Variants in KLHL29 observed in about 807,000 individuals in gnomAD.
The protein encoded by KLHL29 is kelch like family member 29.
KLHL29 carries 21 observed loss-of-function variants against 80.4 expected under a neutral mutation model. The ratio of observed to expected loss-of-function variants is 0.26; its 90% CI spans 0.19 to 0.38. KLHL29 has a LOEUF of 0.38. KLHL29 is among the 10% of genes least tolerant of loss of function. The probability of loss-of-function intolerance (pLI) is 1.00; values close to 1 mark genes in which losing one functional copy is unlikely to be tolerated. For missense variants in KLHL29, 867 were observed against 1,223.9 expected (o/e 0.71, Z 4.35); for synonymous variants, 511 against 526.8 (o/e 0.97, Z 0.41).
chr2:23,664,770 T>C (rs1224815915), intron 5 of KLHL29, among the ~76,000 whole-genome samples: 1 of 151,822 alleles, frequency 6.6e-6, no homozygotes, highest in Non-Finnish European at 1.5e-5. Context: ...CAGCCTGCCA[T>C]GGGACAGACC....
At chr2:23,677,337 G>A (rs1016806445) in intron 5 of KLHL29, among the ~76,000 whole-genome samples, 2 of 152,158 alleles carry the variant, frequency 1.3e-5, no homozygotes, top group African/African-American at 4.8e-5. Flanking sequence ...ACTGTTCCTA[G>A]GACTTTGGCT....
intron 1 of KLHL29, among the ~76,000 whole-genome samples, chr2:23,465,990 TG>T (rs1056529377): frequency 2.0e-5 from 3 of 151,746 alleles, no homozygotes; most frequent in African/African-American, 7.3e-5. Context: ...GAGGTGACGG[TG>T]TTCATCTCAG....
rs764617275 is a variant in KLHL29, at chr2:23,680,062, G to T, written c.941-4337G>T. On this transcript the variant is annotated intron_variant, in intron 5 of 13. Coordinates refer to ENST00000486442, the MANE Select transcript of KLHL29 (RefSeq NM_052920.2). The surrounding 1 kb of genome is among the most constrained non-coding windows in gnomAD (Gnocchi z 4.1). Reference sequence around the variant, plus strand: ...GCCCCGAAGGATTTGTGTGGCCAGTGGCTGTGAGGATGCAGTGTGGAGGTG... The same window carrying T: ...GCCCCGAAGGATTTGTGTGGCCAGTTGCTGTGAGGATGCAGTGTGGAGGTG... 9.2e-5 allele frequency among the ~76,000 whole-genome samples: 14 copies of T among 152,194 alleles called. No homozygotes were observed. Among genetic ancestry groups the T allele is most frequent in the Non-Finnish European group, 1.9e-4 (13 of 68,018 alleles).
intron 1 of KLHL29, among the ~76,000 whole-genome samples, chr2:23,401,751 G>A (rs1042153783): frequency 6.6e-6 from 1 of 152,144 alleles, no homozygotes; most frequent in South Asian, 2.1e-4. Flanking sequence ...GCCTCTGTCC[G>A]GCTGGACTGA....
At chr2:23,527,720 C>G (rs1666369747) in intron 2 of KLHL29, among the ~76,000 whole-genome samples, 1 of 152,226 alleles carries the variant, frequency 6.6e-6, no homozygotes, top group South Asian at 2.1e-4. Flanking sequence ...GTTGTGCTCT[C>G]ATTTCAGAGG....
At chr2:23,442,135 A>G (rs1460534557) in intron 1 of KLHL29, among the ~76,000 whole-genome samples, 3 of 152,080 alleles carry the variant, frequency 2.0e-5, no homozygotes, top group Non-Finnish European at 4.4e-5. Flanking sequence ...GTAGGCTAGA[A>G]TGCAGTGACA....
intron 5 of KLHL29, among the ~76,000 whole-genome samples, chr2:23,646,730 G>A (rs912560943): frequency 7.2e-5 from 11 of 152,098 alleles, no homozygotes; most frequent in African/African-American, 1.9e-4. Flanking sequence ...ATTCATCCTC[G>A]CTGCTGCATT....
intron 1 of KLHL29, among the ~76,000 whole-genome samples, chr2:23,390,650 C>CTTTTT (rs70941576): frequency 2.5e-5 from 3 of 120,230 alleles, no homozygotes; most frequent in Non-Finnish European, 3.3e-5. Context: ...ACCATCTTTA[C>CTTTTT]TTTTTTTTTT....
intron 1 of KLHL29, among the ~76,000 whole-genome samples, chr2:23,400,367 C>G (rs1177100690): frequency 1.3e-5 from 2 of 152,192 alleles, no homozygotes; most frequent in Non-Finnish European, 2.9e-5. Context: ...AGCCATTAGT[C>G]TGGGACTGAA....
intron 5 of KLHL29, among the ~76,000 whole-genome samples, chr2:23,664,571 G>C (rs2149171938): frequency 1.3e-5 from 2 of 152,296 alleles, no homozygotes. Flanking sequence ...AGGAGGCGGG[G>C]ATAGATGTTT....
chr2:23,575,463 C>T (rs1667820965), intron 3 of KLHL29, among the ~76,000 whole-genome samples: 1 of 152,162 alleles, frequency 6.6e-6, no homozygotes, highest in South Asian at 2.1e-4. Context: ...CTGCCAGCAT[C>T]ATCATTGTCA....
intron 5 of KLHL29, among the ~76,000 whole-genome samples, chr2:23,657,834 T>C (rs1294738342): frequency 1.3e-5 from 2 of 152,198 alleles, no homozygotes; most frequent in African/African-American, 2.4e-5. Flanking sequence ...TTGCTGAGCC[T>C]TCCGGGCTCC....
rs1459380162 is a variant in KLHL29 at position 23,596,133 on chromosome 2, G to A, written c.285+33652G>A. 2.0e-5 allele frequency among the ~76,000 whole-genome samples: 3 copies of A among 152,166 alleles called. No individual in the cohort carries two copies. Among genetic ancestry groups the A allele is most frequent in the East Asian group, 1.9e-4 (1 of 5,180 alleles). ...GTCTGTTGGTGGTTTGAACTGAGCC[G>A]CATACAATAGAGCACCCTCGGCAGC... is the stretch of plus-strand genomic sequence containing the variant. On this transcript the variant is annotated intron_variant, in intron 3 of 13. Coordinates refer to ENST00000486442, the MANE Select transcript of KLHL29 (RefSeq NM_052920.2). This position sits in a 1 kb window ranked among gnomAD's most constrained non-coding sequence, Gnocchi z 4.4.
intron 2 of KLHL29, among the ~76,000 whole-genome samples, chr2:23,516,952 G>A (rs951006421): frequency 3.3e-5 from 5 of 152,242 alleles, no homozygotes; most frequent in African/African-American, 4.8e-5. Context: ...GGGAGGCAGC[G>A]TGGGCTTTGT....
chr2:23,563,275 C>T (rs1303749426), intron 3 of KLHL29, among the ~76,000 whole-genome samples: 2 of 152,248 alleles, frequency 1.3e-5, no homozygotes, highest in Admixed American at 1.3e-4. Flanking sequence ...CGTCCTCCAT[C>T]GTGCTGGCTG....
intron 1 of KLHL29, among the ~76,000 whole-genome samples, chr2:23,412,225 G>A (rs1272799595): frequency 1.3e-5 from 2 of 151,924 alleles, no homozygotes; most frequent in South Asian, 2.1e-4. Context: ...TGGGCTTGTC[G>A]AGTGGCCAGA....
At chr2:23,594,165 T>C (rs566081841) in intron 3 of KLHL29, among the ~76,000 whole-genome samples, 1 of 152,318 alleles carries the variant, frequency 6.6e-6, no homozygotes, top group East Asian at 1.9e-4. Context: ...GGTTCTGTTT[T>C]CTCTGCCTGG....
chr2:23,493,486 G>A (rs1335831407), intron 2 of KLHL29, among the ~76,000 whole-genome samples: 2 of 152,124 alleles, frequency 1.3e-5, no homozygotes, highest in South Asian at 2.1e-4. Flanking sequence ...TACATTGTAC[G>A]ATCTTGTTTT....
At chr2:23,643,038 G>C (rs527176) in intron 5 of KLHL29, 188 bp downstream of exon 5, 335,307 of 745,288 alleles carry the variant, frequency 0.45, 77,588 homozygotes, top group Middle Eastern at 0.56. Flanking sequence ...GAGGGGGAAG[G>C]TGTGGAGGGC....
Sources: allele counts gnomAD v4.1 joint callset (sites outside exome capture counted in the v4.1 genomes callset), GRCh38; gene constraint gnomAD v4.1.1; non-coding constraint Gnocchi (gnomAD v3.1); transcripts MANE v1.5; gene names NCBI Gene and HGNC (gene_info 2026-07-23, HGNC 2026-07-21).